ADAM12: variants seen among roughly 807,000 people sequenced by gnomAD.
The protein encoded by ADAM12 is disintegrin and metalloproteinase domain-containing protein 12.
A neutral mutation model predicts 106.4 loss-of-function variants in ADAM12; 70 were observed. That is an observed-to-expected ratio of 0.66 (90% CI 0.54 to 0.80). ADAM12 has a LOEUF of 0.80. Ranked by LOEUF, ADAM12 falls within the 30% of genes least tolerant of loss-of-function variation. The pLI is 0.00. For synonymous variants in ADAM12, 420 were observed against 433.5 expected (o/e 0.97, Z 0.39); for missense variants, 1,010 against 1,171.9 (o/e 0.86, Z 2.02).
At chr10:126,358,310 A>T (rs1855620505) in intron 1 of ADAM12, among the ~76,000 whole-genome samples, 1 of 152,210 alleles carries the variant, frequency 6.6e-6, no homozygotes, top group African/African-American at 2.4e-5. Flanking sequence ...ATCAGGTGGG[A>T]TTTATCCCTG....
intron 3 of ADAM12, among the ~76,000 whole-genome samples, chr10:126,245,738 A>G (rs1308023792): frequency 6.6e-6 from 1 of 152,192 alleles, no homozygotes; most frequent in African/African-American, 2.4e-5. Flanking sequence ...CCTCAAGGGG[A>G]GCATGAACGG....
At position 126,330,407 on chromosome 10, in the gene ADAM12, C is replaced by G; in HGVS notation, c.186+5G>C. 6.2e-7 allele frequency: 1 copy of G among 1,609,642 alleles called. No homozygotes were observed. The highest frequency in any genetic ancestry group is 2.2e-5 in the East Asian group (1 of 44,824). ...CTCAAAGCTGAGAAAAGGAGAGGAA[C>G]TCACCTTGGAGTCGAAGCTCTTCAC... On this transcript the variant is annotated splice_donor_5th_base_variant and intron_variant, in intron 2 of 22. Transcript: ENST00000448723.
chr10:126,174,928 T>C (rs1036049602), intron 3 of ADAM12, among the ~76,000 whole-genome samples: 2 of 151,998 alleles, frequency 1.3e-5, no homozygotes, highest in African/African-American at 4.8e-5. Context: ...AATTTTTTGT[T>C]TGCATTTTTA....
At chr10:126,335,830 CGTGAT>C (rs1474974031) in intron 1 of ADAM12, among the ~76,000 whole-genome samples, 1 of 152,114 alleles carries the variant, frequency 6.6e-6, no homozygotes, top group Non-Finnish European at 1.5e-5. Flanking sequence ...CGACCCTTGA[CGTGAT>C]GTGATGACAG....
chr10:126,251,222 G>T (rs1437535361), intron 3 of ADAM12, among the ~76,000 whole-genome samples: 2 of 152,200 alleles, frequency 1.3e-5, no homozygotes, highest in Non-Finnish European at 2.9e-5. Flanking sequence ...ACCTTTCTGA[G>T]ACCTGGTTCG....
intron 2 of ADAM12, among the ~76,000 whole-genome samples, chr10:126,282,762 G>A (rs1201597493): frequency 6.6e-6 from 1 of 152,104 alleles, no homozygotes; most frequent in African/African-American, 2.4e-5. Flanking sequence ...CTCTTAAAAT[G>A]CTGTTATGCA....
intron 8 of ADAM12, among the ~76,000 whole-genome samples, 177 bp downstream of exon 8, chr10:126,108,416 G>A (rs1172641799): frequency 1.3e-5 from 2 of 152,122 alleles, no homozygotes; most frequent in Admixed American, 1.3e-4. Context: ...CTGTGGTTTG[G>A]CATCTCCTGA....
At chr10:126,071,748 T>C (rs749956062) in intron 11 of ADAM12, 94 bp from the exon 12 acceptor site, 41 of 1,374,394 alleles carry the variant, frequency 3.0e-5, no homozygotes, top group Non-Finnish European at 4.2e-5. Flanking sequence ...ACTGGCCACA[T>C]CTGCCCAGGT....
At chr10:126,303,766 T>C (rs1960724292) in intron 2 of ADAM12, among the ~76,000 whole-genome samples, 1 of 152,172 alleles carries the variant, frequency 6.6e-6, no homozygotes, top group Non-Finnish European at 1.5e-5. Context: ...GCTTCCTTAA[T>C]TCATTGTAAG....
At chr10:126,299,980 C>A (rs1037250619) in intron 2 of ADAM12, among the ~76,000 whole-genome samples, 1 of 152,156 alleles carries the variant, frequency 6.6e-6, no homozygotes, top group African/African-American at 2.4e-5. Flanking sequence ...CTCATATCAC[C>A]GTCAGTCTCT....
intron 3 of ADAM12, among the ~76,000 whole-genome samples, chr10:126,223,579 TAGG>T (rs1958136302): frequency 6.6e-6 from 1 of 152,358 alleles, no homozygotes; most frequent in African/African-American, 2.4e-5. Flanking sequence ...CAAGCAATGT[TAGG>T]AGAACATCCT....
At chr10:126,341,054 C>G (rs1043187474) in intron 1 of ADAM12, among the ~76,000 whole-genome samples, 3 of 152,060 alleles carry the variant, frequency 2.0e-5, no homozygotes, top group African/African-American at 7.2e-5. Flanking sequence ...ATAGAATACC[C>G]TACTCTCAAA....
intron 1 of ADAM12, among the ~76,000 whole-genome samples, chr10:126,376,883 G>A (rs1856312812): frequency 6.6e-6 from 1 of 152,222 alleles, no homozygotes. Context: ...TCTGAGCACT[G>A]TTCAAAGCAC....
At chr10:126,185,835 C>T (rs1426572758) in intron 3 of ADAM12, among the ~76,000 whole-genome samples, 1 of 152,162 alleles carries the variant, frequency 6.6e-6, no homozygotes, top group Non-Finnish European at 1.5e-5. Context: ...AACGAGAGCA[C>T]ATTCTCCTGG....
At position 126,388,247 on chromosome 10, in the gene ADAM12, T is replaced by C; in HGVS notation, c.-102A>G. On this transcript the variant is annotated 5_prime_UTR_variant, in exon 1 of 23. Coordinates refer to ENST00000448723, the MANE Select transcript of ADAM12 (RefSeq NM_001288973.2). The surrounding 1 kb of genome is among the most constrained non-coding windows in gnomAD (Gnocchi z 4.4). ...GGCCGGGCGTCGCGACCGGAGGGATTTCCTGCCTCGGCGAGTCAGCTCCGG... is the reference window on the plus strand; with the variant it reads ...GGCCGGGCGTCGCGACCGGAGGGATCTCCTGCCTCGGCGAGTCAGCTCCGG... The C allele has an allele frequency of 5.1e-6, 6 of 1,181,048 alleles. No individual in the cohort carries two copies. Among genetic ancestry groups the C allele is most frequent in the East Asian group, 3.7e-5 (1 of 26,878 alleles). The allele number at this position is 1,181,048 out of a possible 1,614,324, so 73.2% of individuals were successfully genotyped here.
intron 11 of ADAM12, among the ~76,000 whole-genome samples, chr10:126,092,392 T>C (rs1470573080): frequency 6.6e-6 from 1 of 152,130 alleles, no homozygotes; most frequent in Non-Finnish European, 1.5e-5. Context: ...TTGTGAAATG[T>C]TGGAAACAGA....
At chr10:126,217,016 A>C (rs1360699139) in intron 3 of ADAM12, among the ~76,000 whole-genome samples, 2 of 152,220 alleles carry the variant, frequency 1.3e-5, no homozygotes, top group Admixed American at 1.3e-4. Context: ...CTTGGTGCTC[A>C]TCTTTCCAAC....
chr10:126,079,404 T>C (rs1009469485), intron 11 of ADAM12, among the ~76,000 whole-genome samples: 2 of 152,160 alleles, frequency 1.3e-5, no homozygotes, highest in Non-Finnish European at 2.9e-5. Flanking sequence ...TCTGTTCATT[T>C]CATGTACACG....
At position 126,089,357 on chromosome 10, in the gene ADAM12, C is replaced by T. The variant is rs185968840; in HGVS notation, c.1145+4628G>A. Among the ~76,000 whole-genome samples the T allele has an allele frequency of 5.9e-5, 9 of 152,186 alleles. No homozygotes were observed. The South Asian group carries it at 8.3e-4, about 14-fold the overall frequency. On this transcript the variant is annotated intron_variant, in intron 11 of 22. Transcript: ENST00000448723. ...GTGTGGAGCGTGGCGTGATGAGCAC[C>T]GAGTGTGCTGGTGAAGGATCCTTCC...
Sources: gnomAD v4.1 joint callset for allele counts (sites outside exome capture counted in the v4.1 genomes callset) on GRCh38, gnomAD v4.1.1 for gene constraint, Gnocchi (gnomAD v3.1) non-coding constraint, MANE v1.5 for transcripts, NCBI Gene and HGNC (gene_info 2026-07-23, HGNC 2026-07-21) for gene names.